The following TRAF3 variants were observed in gnomAD, a reference collection of about 807,000 sequenced individuals.
The protein encoded by TRAF3 is TNF receptor associated factor 3.
Under a neutral mutation model 62.3 loss-of-function variants are expected in TRAF3, and 13 were observed. The ratio of observed to expected loss-of-function variants is 0.21; its 90% CI spans 0.14 to 0.33. TRAF3 has a LOEUF of 0.33. Ranked by LOEUF, TRAF3 falls within the 10% of genes least tolerant of loss-of-function variation. The pLI is 1.00. For missense variants in TRAF3, 440 were observed against 741.8 expected, an observed-to-expected ratio of 0.59 and a Z score of 4.73; for synonymous variants, 269 against 283.4, an observed-to-expected ratio of 0.95 and a Z score of 0.51.
intron 2 of TRAF3, among the ~76,000 whole-genome samples, chr14:102,865,672 G>C (rs1595374408): frequency 6.6e-6 from 1 of 151,942 alleles, no homozygotes; most frequent in East Asian, 1.9e-4. Flanking sequence ...ACTAATTTTT[G>C]TATTTTAGTA....
At chr14:102,782,838 C>T (rs1041648572) in intron 1 of TRAF3, among the ~76,000 whole-genome samples, 2 of 152,050 alleles carry the variant, frequency 1.3e-5, no homozygotes, top group African/African-American at 2.4e-5. Flanking sequence ...TGTGGCAGAA[C>T]CCAAAAGCGT....
intron 11 of TRAF3, among the ~76,000 whole-genome samples, chr14:102,904,733 C>T (rs567545278): frequency 2.0e-5 from 3 of 151,030 alleles, no homozygotes; most frequent in Non-Finnish European, 4.4e-5. Flanking sequence ...TGGTGTGAAC[C>T]CGGGAGGCGG....
intron 1 of TRAF3, among the ~76,000 whole-genome samples, chr14:102,828,160 A>G (rs1900437996): frequency 6.6e-6 from 1 of 152,256 alleles, no homozygotes; most frequent in African/African-American, 2.4e-5. Flanking sequence ...TCAGGTGTTC[A>G]CAGCATTTTT....
chr14:102,839,210 C>CTTTTTTT lies in TRAF3; in HGVS notation c.-18+8760_-18+8766dup, dbSNP rs56998347. 3.4e-3 allele frequency among the ~76,000 whole-genome samples: 303 copies of CTTTTTTT among 89,798 alleles called. 31 individuals carry two copies. Among genetic ancestry groups the CTTTTTTT allele is most frequent in the African/African-American group, 0.013 (290 of 22,560 alleles). 58.9% of individuals were successfully genotyped at this position (89,798 alleles called of 152,430 possible). ...GAGAGATGCTTATTGGTTGATTTGC[C>CTTTTTTT]TTTTTTTTTTTTTTTTTTTTTTTTT... On this transcript the variant is annotated intron_variant, in intron 2 of 11. Transcript: ENST00000392745.
chr14:102,829,923 A>C (rs1183845563), intron 1 of TRAF3, among the ~76,000 whole-genome samples: 1 of 152,204 alleles, frequency 6.6e-6, no homozygotes, highest in East Asian at 1.9e-4. Context: ...TGAGCCCAGG[A>C]ATCTAAGACC....
chr14:102,900,041 C>T (rs1055360690), intron 10 of TRAF3, among the ~76,000 whole-genome samples: 11 of 149,616 alleles, frequency 7.4e-5, no homozygotes, highest in African/African-American at 2.5e-4. Context: ...TAGCCAGGTG[C>T]GGTGGTGGGC....
At chr14:102,875,141 T>G (rs147556358) in intron 4 of TRAF3, among the ~76,000 whole-genome samples, 2,847 of 152,316 alleles carry the variant, frequency 0.019, 35 homozygotes, top group African/African-American at 0.022. Context: ...ATATGGTCTC[T>G]TATGTGGTCT....
chr14:102,838,171 T>C (rs1886143352), intron 2 of TRAF3, among the ~76,000 whole-genome samples: 1 of 152,178 alleles, frequency 6.6e-6, no homozygotes, highest in Non-Finnish European at 1.5e-5. Flanking sequence ...ACAGGCAAAT[T>C]TGTAATTGTG....
chr14:102,903,584 T>A lies in TRAF3; in HGVS notation c.1135+155T>A. 1 of 1,098,736 alleles carries A rather than the reference T, an allele frequency of 9.1e-7. No individual in the cohort carries two copies. The highest frequency in any genetic ancestry group is 1.3e-6 in the Non-Finnish European group (1 of 746,926). The allele number at this position is 1,098,736 out of a possible 1,614,324, so 68.1% of individuals were successfully genotyped here. ...ACACGCAGAGGTGTGATGACTTTCCTACTGAAAGTCCCCCAGCAAAGACAA... is the reference window on the plus strand; with the variant it reads ...ACACGCAGAGGTGTGATGACTTTCCAACTGAAAGTCCCCCAGCAAAGACAA... On this transcript the variant is annotated intron_variant, in intron 11 of 11. Coordinates refer to ENST00000392745, the MANE Select transcript of TRAF3 (RefSeq NM_145725.3). This position sits in a 1 kb window ranked among gnomAD's most constrained non-coding sequence, Gnocchi z 6.4.
intron 1 of TRAF3, among the ~76,000 whole-genome samples, chr14:102,778,597 C>G (rs75819244): frequency 6.6e-6 from 1 of 151,304 alleles, no homozygotes; most frequent in Non-Finnish European, 1.5e-5. Flanking sequence ...GTGTGTGTGC[C>G]TGTGTGTGTG....
In TRAF3 at chr14:102,797,223, T is replaced by A. The variant is rs77613182; in HGVS notation, c.-157+19548T>A. Among the ~76,000 whole-genome samples the A allele has an allele frequency of 1.2e-4, 18 of 152,332 alleles. No homozygotes were observed. In the East Asian group the frequency reaches 3.5e-3, roughly 29 times the overall value. ...ACCCCTTTTTATATTGTCTTAAGCT[T>A]CTTAGGAACTGCTTTGTATTTTAGT... On this transcript the variant is annotated intron_variant, in intron 1 of 11. Coordinates refer to ENST00000392745, the MANE Select transcript of TRAF3 (RefSeq NM_145725.3).
chr14:102,882,089 A>G (rs981102692), intron 6 of TRAF3, among the ~76,000 whole-genome samples: 32 of 152,224 alleles, frequency 2.1e-4, no homozygotes. Context: ...GGACTGTAAT[A>G]TTAATAACAT....
chr14:102,837,341 G>T (rs977454521), intron 2 of TRAF3, among the ~76,000 whole-genome samples: 2 of 152,066 alleles, frequency 1.3e-5, no homozygotes, highest in African/African-American at 4.8e-5. Context: ...GTCTCACTAT[G>T]TTGCCCAGGC....
chr14:102,886,351 C>G (rs942327298), intron 7 of TRAF3, 82 bp downstream of exon 7: 1 of 1,256,618 alleles, frequency 8.0e-7, no homozygotes. Context: ...ATAGCCGAAG[C>G]CTCACGTTTT....
intron 10 of TRAF3, among the ~76,000 whole-genome samples, chr14:102,902,068 G>T (rs891751230): frequency 2.0e-5 from 3 of 152,238 alleles, no homozygotes; most frequent in Admixed American, 1.3e-4. Flanking sequence ...GGCCACCAGG[G>T]CGGAGTACAG....
chr14:102,817,457 G>T (rs1308608224), intron 1 of TRAF3, among the ~76,000 whole-genome samples: 1 of 152,274 alleles, frequency 6.6e-6, no homozygotes, highest in South Asian at 2.1e-4. Context: ...GGAAGGCAGG[G>T]TGTTCAGGAG....
intron 2 of TRAF3, among the ~76,000 whole-genome samples, chr14:102,831,465 A>G (rs981482228): frequency 6.6e-6 from 1 of 152,228 alleles, no homozygotes; most frequent in Non-Finnish European, 1.5e-5. Flanking sequence ...TTGGTTTACC[A>G]CATGGTGAAG....
intron 2 of TRAF3, among the ~76,000 whole-genome samples, chr14:102,851,017 T>C (rs564307465): frequency 1.5e-4 from 23 of 152,322 alleles, no homozygotes; most frequent in African/African-American, 4.8e-4. Context: ...CAGAGGCGCA[T>C]GTGTCCAGCA....
chr14:102,878,336 G>T (rs1162146646), intron 6 of TRAF3, among the ~76,000 whole-genome samples: 1 of 149,084 alleles, frequency 6.7e-6, no homozygotes, highest in Admixed American at 6.7e-5. Context: ...GGGGGTGAGT[G>T]TGTGAATGTG....
Sources: gnomAD v4.1 joint callset for allele counts (sites outside exome capture counted in the v4.1 genomes callset) on GRCh38, gnomAD v4.1.1 for gene constraint, Gnocchi (gnomAD v3.1) non-coding constraint, MANE v1.5 for transcripts, NCBI Gene and HGNC (gene_info 2026-07-23, HGNC 2026-07-21) for gene names.